LANCL3: variants seen among roughly 807,000 people sequenced by gnomAD.
The protein encoded by LANCL3 is LanC like family member 3.
In LANCL3, 19 loss-of-function variants were observed where a neutral mutation model predicts 26.5. That is an observed-to-expected ratio of 0.72 (90% CI 0.50 to 1.05). LANCL3 has a LOEUF of 1.05. Ranked by LOEUF, LANCL3 falls within the 50% of genes least tolerant of loss-of-function variation. LANCL3 has a pLI of 0.00. For synonymous variants in LANCL3, 160 were observed against 166.6 expected (o/e 0.96, Z 0.30); for missense variants, 318 against 362.7 (o/e 0.88, Z 1.00).
intron 1 of LANCL3, among the ~76,000 whole-genome samples, chrX:37,641,694 T>C (rs1925867356): frequency 8.9e-6 from 1 of 111,985 alleles, no homozygotes; most frequent in South Asian, 3.7e-4. Flanking sequence ...AGATATCTTT[T>C]CAGCTTGTTC....
intron 1 of LANCL3, among the ~76,000 whole-genome samples, chrX:37,632,885 C>G (rs5918015): frequency 9.0e-6 from 1 of 111,625 alleles, no homozygotes; most frequent in Non-Finnish European, 1.9e-5. Context: ...CTGCCCTTAA[C>G]ATTTTTTCCT....
At chrX:37,638,554 A>G (rs1451965491) in intron 1 of LANCL3, among the ~76,000 whole-genome samples, 2 of 112,041 alleles carry the variant, frequency 1.8e-5, no homozygotes, top group African/African-American at 6.5e-5. Flanking sequence ...AAATGTATTA[A>G]CAGACAGCTA....
chrX:37,575,213 C>T (rs1923715481), intron 1 of LANCL3, among the ~76,000 whole-genome samples: 1 of 110,929 alleles, frequency 9.0e-6, no homozygotes, highest in Non-Finnish European at 1.9e-5. Context: ...AGTCATGAGC[C>T]ACTGTGCCTG....
intron 2 of LANCL3, among the ~76,000 whole-genome samples, chrX:37,658,710 T>G (rs1182011355): frequency 8.9e-6 from 1 of 112,347 alleles, no homozygotes; most frequent in Non-Finnish European, 1.9e-5. Context: ...TAATTATTTC[T>G]TTACAAATCT....
At chrX:37,574,947 A>T (rs1339716836) in intron 1 of LANCL3, among the ~76,000 whole-genome samples, 2 of 107,644 alleles carry the variant, frequency 1.9e-5, no homozygotes, top group Non-Finnish European at 3.8e-5. Context: ...TTTTTTTGAG[A>T]CAGAGTCTCA....
chrX:37,652,693 T>TC lies in LANCL3; in HGVS notation c.574-2990dup, dbSNP rs569991322. ...CTCTGCCATTCCTAGTCATTTTTGT[T>TC]CCCCCACCGGAAATGCTGCTCCCTC... On this transcript the variant is annotated intron_variant, in intron 1 of 4. Transcript: ENST00000378619. Among the ~76,000 whole-genome samples the TC allele has an allele frequency of 1.3e-4, 14 of 111,533 alleles. No individual in the cohort carries two copies. The South Asian group carries it at 5.3e-3, about 43-fold the overall frequency.
At chrX:37,636,533 T>G (rs1433994927) in intron 1 of LANCL3, among the ~76,000 whole-genome samples, 1 of 112,710 alleles carries the variant, frequency 8.9e-6, no homozygotes, top group Non-Finnish European at 1.9e-5. Context: ...CAATCTTATA[T>G]GAAAGTCAGC....
At chrX:37,671,054 A>G (rs994388608) in intron 4 of LANCL3, among the ~76,000 whole-genome samples, 1 of 111,695 alleles carries the variant, frequency 9.0e-6, no homozygotes, top group African/African-American at 3.2e-5. Context: ...AATTTTTCAT[A>G]TAAATATAGA....
intron 1 of LANCL3, among the ~76,000 whole-genome samples, chrX:37,647,625 C>A (rs920033387): frequency 1.8e-5 from 2 of 112,074 alleles, no homozygotes; most frequent in Non-Finnish European, 3.8e-5. Context: ...ATCAGAGTGA[C>A]CCTGCATTCT....
chrX:37,662,380 A>G (rs1298368753), intron 3 of LANCL3, among the ~76,000 whole-genome samples: 2 of 112,495 alleles, frequency 1.8e-5, no homozygotes, highest in African/African-American at 3.2e-5. Flanking sequence ...TTGACTCTGC[A>G]TGAAGTACAG....
intron 1 of LANCL3, among the ~76,000 whole-genome samples, chrX:37,646,359 A>G (rs1355259145): frequency 8.9e-6 from 1 of 112,098 alleles, no homozygotes; most frequent in African/African-American, 3.2e-5. Flanking sequence ...GTTCTTCCTC[A>G]AAGAAGCTCC....
At chrX:37,672,146 C>A (rs1243446645) in intron 4 of LANCL3, among the ~76,000 whole-genome samples, 4 of 110,559 alleles carry the variant, frequency 3.6e-5, no homozygotes, top group African/African-American at 1.3e-4. Context: ...GTATGGGATT[C>A]AAGTTTAATT....
rs181282236 is a variant in LANCL3 at position 37,609,160 on chromosome X, A to G, written c.573+36717A>G. Among the ~76,000 whole-genome samples the G allele has an allele frequency of 1.3e-3, 144 of 112,441 alleles. 1 individual carries two copies. The highest frequency in any genetic ancestry group is 4.3e-3 in the African/African-American group (134 of 30,971). Reference sequence around the variant, plus strand: ...CAAAATTTTTAGGTAAATTGGTGATAACAGCCTTCCTTCCTGAAGTCTCCT... The same window carrying G: ...CAAAATTTTTAGGTAAATTGGTGATGACAGCCTTCCTTCCTGAAGTCTCCT... On this transcript the variant is annotated intron_variant, in intron 1 of 4. Transcript: ENST00000378619.
intron 3 of LANCL3, 105 bp downstream of exon 3, chrX:37,659,764 T>C (rs1161845012): frequency 8.7e-6 from 6 of 693,459 alleles, no homozygotes; most frequent in Non-Finnish European, 1.1e-5. Flanking sequence ...GTCATTACTA[T>C]GTGAGATAAA....
Position 37,611,444 on chromosome X carries a change from C to T in LANCL3, c.573+39001C>T, listed in dbSNP as rs369861176. Among the ~76,000 whole-genome samples, 9 of 111,119 alleles carry T rather than the reference C, an allele frequency of 8.1e-5. No individual in the cohort carries two copies. In the East Asian group the frequency reaches 1.7e-3, roughly 21 times the overall value. ...CCTTTATTATACTCCATCCTTGCCACGAATGTAGGCATAGTCATCCTGTCA... is the reference window on the plus strand; with the variant it reads ...CCTTTATTATACTCCATCCTTGCCATGAATGTAGGCATAGTCATCCTGTCA... On this transcript the variant is annotated intron_variant, in intron 1 of 4. Coordinates refer to ENST00000378619, the MANE Select transcript of LANCL3 (RefSeq NM_001170331.2).
At chrX:37,668,571 A>G (rs1485633449) in intron 4 of LANCL3, 1 of 203,793 alleles carries the variant, frequency 4.9e-6, no homozygotes, top group Non-Finnish European at 9.8e-6. Flanking sequence ...TTTTGAAGGG[A>G]CTTAGAAGCT....
At chrX:37,616,738 A>G (rs1925020845) in intron 1 of LANCL3, among the ~76,000 whole-genome samples, 1 of 111,899 alleles carries the variant, frequency 8.9e-6, no homozygotes, top group African/African-American at 3.2e-5. Flanking sequence ...ACAGTAGGAG[A>G]TGGTATGTGA....
At chrX:37,660,568 T>C (rs187959716) in intron 3 of LANCL3, among the ~76,000 whole-genome samples, 16 of 111,688 alleles carry the variant, frequency 1.4e-4, no homozygotes, top group African/African-American at 4.9e-4. Flanking sequence ...TTAATATTGG[T>C]TAGATGGCCA....
intron 1 of LANCL3, among the ~76,000 whole-genome samples, chrX:37,576,207 A>G (rs1475239903): frequency 1.8e-5 from 2 of 111,684 alleles, no homozygotes; most frequent in Non-Finnish European, 3.8e-5. Flanking sequence ...TTATGTTTAT[A>G]AGGTTCAGAT....
Sources: gnomAD v4.1 joint callset for allele counts (sites outside exome capture counted in the v4.1 genomes callset) on GRCh38, gnomAD v4.1.1 for gene constraint, MANE v1.5 for transcripts, NCBI Gene and HGNC (gene_info 2026-07-23, HGNC 2026-07-21) for gene names.